The following MARCHF3 variants were observed in gnomAD, a reference collection of about 807,000 sequenced individuals.
MARCHF3 encodes the protein membrane associated ring-CH-type finger 3, also known as E3 ubiquitin-protein ligase MARCHF3.
Under a neutral mutation model 24.2 loss-of-function variants are expected in MARCHF3, and 13 were observed. The observed-to-expected ratio is 0.54, with a 90% CI of 0.35 to 0.85. The LOEUF is 0.85. MARCHF3 is among the 40% of genes least tolerant of loss of function. The pLI, the probability that MARCHF3 is intolerant of heterozygous loss-of-function variation, is 0.01. For missense variants in MARCHF3, 276 were observed against 325.0 expected (o/e 0.85, Z 1.16); for synonymous variants, 144 against 137.3 (o/e 1.05, Z -0.34).
At chr5:127,024,878 AAT>A (rs1418379714) in intron 1 of MARCHF3, among the ~76,000 whole-genome samples, 1 of 152,214 alleles carries the variant, frequency 6.6e-6, no homozygotes, top group African/African-American at 2.4e-5. Flanking sequence ...GCTCACTTGA[AAT>A]ATGTTTATAT....
chr5:126,934,800 C>T (rs1377870952), intron 1 of MARCHF3, among the ~76,000 whole-genome samples: 1 of 152,086 alleles, frequency 6.6e-6, no homozygotes, highest in Non-Finnish European at 1.5e-5. Context: ...CAATTCAGGA[C>T]ATGTTGAAAG....
chr5:126,958,873 C>T (rs1183564493), intron 1 of MARCHF3, among the ~76,000 whole-genome samples: 1 of 151,986 alleles, frequency 6.6e-6, no homozygotes. Flanking sequence ...CCACTAATGA[C>T]CAACAGTGGA....
chr5:126,933,377 C>T (rs947858205), intron 1 of MARCHF3, among the ~76,000 whole-genome samples: 13 of 151,854 alleles, frequency 8.6e-5, no homozygotes, highest in South Asian at 4.2e-4. Context: ...AGATTTACAA[C>T]GATAATCACT....
chr5:126,992,597 G>T (rs994201800), intron 1 of MARCHF3, among the ~76,000 whole-genome samples: 1 of 152,020 alleles, frequency 6.6e-6, no homozygotes, highest in Non-Finnish European at 1.5e-5. Context: ...TAGAAATTAC[G>T]TAGTACGTAG....
At chr5:126,954,495 T>G (rs1443575193) in intron 1 of MARCHF3, among the ~76,000 whole-genome samples, 3 of 151,892 alleles carry the variant, frequency 2.0e-5, no homozygotes, top group Non-Finnish European at 4.4e-5. Flanking sequence ...CTCAGCTTCC[T>G]GGATAGGTAG....
chr5:126,987,740 C>G (rs1163623092), intron 1 of MARCHF3, among the ~76,000 whole-genome samples: 1 of 152,182 alleles, frequency 6.6e-6, no homozygotes. Context: ...GAAGCTGCAA[C>G]AGAGACTGGG....
At chr5:126,909,142 G>T (rs1754415166) in intron 3 of MARCHF3, among the ~76,000 whole-genome samples, 1 of 152,204 alleles carries the variant, frequency 6.6e-6, no homozygotes, top group African/African-American at 2.4e-5. Flanking sequence ...GGGGGTCAGG[G>T]GTCAGGGACC....
At chr5:126,881,669 C>CCTATATAT (rs1470927812) in intron 3 of MARCHF3, among the ~76,000 whole-genome samples, 1 of 151,648 alleles carries the variant, frequency 6.6e-6, no homozygotes, top group East Asian at 1.9e-4. Flanking sequence ...ATAGTATGAT[C>CCTATATAT]CTATATATGT....
chr5:127,011,422 C>T (rs1460003386), intron 1 of MARCHF3, among the ~76,000 whole-genome samples: 1 of 152,198 alleles, frequency 6.6e-6, no homozygotes, highest in Non-Finnish European at 1.5e-5. Context: ...GCTATGCTCA[C>T]AATCCAAGGC....
At chr5:126,998,629 G>A (rs549684896) in intron 1 of MARCHF3, among the ~76,000 whole-genome samples, 1 of 152,294 alleles carries the variant, frequency 6.6e-6, no homozygotes, top group Admixed American at 6.5e-5. Flanking sequence ...GTAAGGGAAG[G>A]TCAGGAGCAG....
intron 3 of MARCHF3, 82 bp from the exon 4 acceptor site, chr5:126,878,476 A>C: frequency 7.2e-7 from 1 of 1,391,180 alleles, no homozygotes; most frequent in Non-Finnish European, 9.8e-7. Flanking sequence ...TTCTGAAGTT[A>C]TCTTTGCCTT....
intron 1 of MARCHF3, among the ~76,000 whole-genome samples, chr5:126,981,219 G>A (rs536721191): frequency 6.6e-6 from 1 of 152,346 alleles, no homozygotes; most frequent in African/African-American, 2.4e-5. Flanking sequence ...TCTCTGGATA[G>A]TCACTGTCCA....
At chr5:127,008,902 T>TTTAC (rs1752396881) in intron 1 of MARCHF3, among the ~76,000 whole-genome samples, 1 of 44,776 alleles carries the variant, frequency 2.2e-5, no homozygotes, top group Admixed American at 2.7e-4. Context: ...TATTTATTTA[T>TTTAC]TTATTTATTT....
intron 1 of MARCHF3, among the ~76,000 whole-genome samples, chr5:127,016,562 C>T (rs972022040): frequency 6.6e-6 from 1 of 152,154 alleles, no homozygotes; most frequent in African/African-American, 2.4e-5. Context: ...CAATGAGATA[C>T]CATCTCATGC....
At chr5:126,970,040 AT>A (rs1668375594) in intron 1 of MARCHF3, among the ~76,000 whole-genome samples, 1 of 151,898 alleles carries the variant, frequency 6.6e-6, no homozygotes, top group South Asian at 2.1e-4. Flanking sequence ...TGGTGATGTC[AT>A]TTCAGGTTCC....
chr5:126,986,901 A>G (rs1297394700), intron 1 of MARCHF3, among the ~76,000 whole-genome samples: 1 of 152,236 alleles, frequency 6.6e-6, no homozygotes, highest in East Asian at 1.9e-4. Context: ...AAATTTCAAC[A>G]AATTTCTGGA....
At chr5:126,979,948 C>CAAAAAAAAAA (rs757849978) in intron 1 of MARCHF3, among the ~76,000 whole-genome samples, 42 of 44,854 alleles carry the variant, frequency 9.4e-4, no homozygotes, top group East Asian at 1.4e-3. Flanking sequence ...AACTCCATCT[C>CAAAAAAAAAA]AAAAAAAAAA....
intron 3 of MARCHF3, among the ~76,000 whole-genome samples, chr5:126,911,785 G>C (rs983355595): frequency 1.2e-4 from 18 of 152,216 alleles, no homozygotes; most frequent in African/African-American, 4.1e-4. Flanking sequence ...CATGTAGGTA[G>C]GTAGGCAAGG....
At chr5:126,916,688 GACAGAC>G (rs1384092715) in intron 2 of MARCHF3, among the ~76,000 whole-genome samples, 8 of 76,440 alleles carry the variant, frequency 1.0e-4, no homozygotes, top group African/African-American at 2.2e-4. Context: ...CAGACAGACA[GACAGAC>G]ACACACACAC....
Sources: gnomAD v4.1 joint callset for allele counts (sites outside exome capture counted in the v4.1 genomes callset) on GRCh38, gnomAD v4.1.1 for gene constraint, MANE v1.5 for transcripts, NCBI Gene and HGNC (gene_info 2026-07-23, HGNC 2026-07-21) for gene names.